The following SHISAL1 variants were observed in gnomAD, a reference collection of about 807,000 sequenced individuals.
SHISAL1 encodes the protein shisa like 1.
Under a neutral mutation model 22.6 loss-of-function variants are expected in SHISAL1, and 9 were observed. That is an observed-to-expected ratio of 0.40 (90% CI 0.24 to 0.70). The LOEUF is 0.70. Among genes scored for constraint, SHISAL1 ranks in the 30% least tolerant of loss-of-function variants. The pLI is 0.39. For missense variants in SHISAL1, 246 were observed against 270.6 expected, an observed-to-expected ratio of 0.91 and a Z score of 0.64; for synonymous variants, 119 against 115.4, an observed-to-expected ratio of 1.03 and a Z score of -0.20.
chr22:44,286,016 C>A (rs946116560), intron 3 of SHISAL1, among the ~76,000 whole-genome samples: 7 of 152,206 alleles, frequency 4.6e-5, no homozygotes, highest in African/African-American at 1.7e-4. Context: ...CTGAGGGTCC[C>A]ACAGAGTCAG....
At chr22:44,270,684 G>A (rs957763268) in intron 4 of SHISAL1, among the ~76,000 whole-genome samples, 10 of 152,084 alleles carry the variant, frequency 6.6e-5, no homozygotes, top group East Asian at 5.8e-4. Context: ...GTGGATGGTC[G>A]GAAAGAAGAG....
chr22:44,289,496 T>TGTGTGTGTGTGTGTG (rs768987294), intron 3 of SHISAL1, among the ~76,000 whole-genome samples: 2,345 of 137,816 alleles, frequency 0.017, 60 homozygotes, highest in East Asian at 0.095. Context: ...GTGTGTGTGT[T>TGTGTGTGTGTGTGTG]TACTGCCGGG....
intron 4 of SHISAL1, among the ~76,000 whole-genome samples, chr22:44,257,291 G>A (rs945356690): frequency 2.0e-5 from 3 of 152,154 alleles, no homozygotes; most frequent in East Asian, 1.9e-4. Flanking sequence ...CAGAAGATTC[G>A]GATCACTGAA....
the SHISAL1 span, among the ~76,000 whole-genome samples, chr22:44,324,843 G>C: frequency 3.3e-5 from 5 of 152,290 alleles, no homozygotes; most frequent in Non-Finnish European, 4.4e-5. Context: ...TTCTCCAAAG[G>C]CCTTTCTGTC....
At chr22:44,266,472 C>CTG (rs10594044) in intron 4 of SHISAL1, among the ~76,000 whole-genome samples, 4 of 98,252 alleles carry the variant, frequency 4.1e-5, no homozygotes, top group Non-Finnish European at 5.5e-5. Context: ...GTGTGTTGGG[C>CTG]TGTGTGTGTG....
intron 4 of SHISAL1, among the ~76,000 whole-genome samples, chr22:44,279,107 A>G (rs899784641): frequency 1.6e-4 from 24 of 152,092 alleles, no homozygotes; most frequent in African/African-American, 5.6e-4. Flanking sequence ...CGCCCATGGT[A>G]CCCACCACCG....
chr22:44,316,614 C>A (rs1315352934), upstream of SHISAL1, among the ~76,000 whole-genome samples: 3 of 152,166 alleles, frequency 2.0e-5, no homozygotes, highest in African/African-American at 7.2e-5. Flanking sequence ...AACAGGCAGC[C>A]CCAGTTTGCA....
rs144416090 is a variant in SHISAL1 at position 44,249,410 on chromosome 22, T to C, written c.*275A>G. 2.0e-3 allele frequency: 805 copies of C among 400,564 alleles called. 6 individuals are homozygous for C. The highest frequency in any genetic ancestry group is 0.016 in the African/African-American group (756 of 48,248). The allele number at this position is 400,564 out of a possible 1,614,324, so 24.8% of individuals were successfully genotyped here. A position where few individuals can be genotyped will look rare whatever the true frequency, so the allele number is the denominator to read the frequency against. ...TTGGTCATCCTGAGTCCACAATGAGTCACCTCTCAGAAGCCACCAGCCCAA... is the reference window on the plus strand; with the variant it reads ...TTGGTCATCCTGAGTCCACAATGAGCCACCTCTCAGAAGCCACCAGCCCAA... On this transcript the variant is annotated 3_prime_UTR_variant, in exon 5 of 5. Coordinates refer to ENST00000381176, the MANE Select transcript of SHISAL1 (RefSeq NM_001099294.2).
chr22:44,277,844 G>A (rs919543827), intron 4 of SHISAL1, among the ~76,000 whole-genome samples: 4 of 152,150 alleles, frequency 2.6e-5, no homozygotes, highest in Admixed American at 6.5e-5. Context: ...GAGGCTCGAC[G>A]GGACATAATG....
intron 3 of SHISAL1, among the ~76,000 whole-genome samples, chr22:44,290,182 T>A (rs1389758000): frequency 6.6e-6 from 1 of 152,198 alleles, no homozygotes; most frequent in Non-Finnish European, 1.5e-5. Flanking sequence ...GAACGAAACA[T>A]CAGCTCAGCT....
rs1342323038 is a variant in SHISAL1, at chr22:44,249,498, C to T, written c.*187G>A. 2.7e-5 allele frequency: 12 copies of T among 446,818 alleles called. No individual in the cohort carries two copies. Among genetic ancestry groups the T allele is most frequent in the East Asian group, 1.6e-4 (4 of 25,010 alleles). 27.7% of individuals were successfully genotyped at this position (446,818 alleles called of 1,614,324 possible). On this transcript the variant is annotated 3_prime_UTR_variant, in exon 5 of 5. Coordinates refer to ENST00000381176, the MANE Select transcript of SHISAL1 (RefSeq NM_001099294.2). ...CCCTCCCCTGCACCCCCAGCCCCTA[C>T]CCCTGAGTTTGCTCCTAATCTTAGA...
In SHISAL1 at chr22:44,247,478, A is replaced by T. The variant is rs2055011431; in HGVS notation, c.*2207T>A. The stretch of plus-strand genomic sequence containing the variant: ...GGCTCACATCAGGGGAGAGGAAGCC[A>T]TTCCTTTCTCCAATCGAGACCCCAA... On this transcript the variant is annotated 3_prime_UTR_variant, in exon 5 of 5. Transcript: ENST00000381176. The T allele has an allele frequency of 6.6e-6, 1 of 152,334 alleles. No individual in the cohort carries two copies. The highest frequency in any genetic ancestry group is 2.4e-5 in the African/African-American group (1 of 41,450). The allele number at this position is 152,334 out of a possible 1,614,324, so 9.4% of individuals were successfully genotyped here. A position where few individuals can be genotyped will look rare whatever the true frequency, so the allele number is the denominator to read the frequency against.
chr22:44,314,332 T>C (rs1306554916), upstream of SHISAL1, among the ~76,000 whole-genome samples: 1 of 152,144 alleles, frequency 6.6e-6, no homozygotes, highest in Non-Finnish European at 1.5e-5. Flanking sequence ...GAACACGGGT[T>C]CAAGTCCCTT....
chr22:44,251,086 C>T (rs2055044292), intron 4 of SHISAL1, among the ~76,000 whole-genome samples: 1 of 152,212 alleles, frequency 6.6e-6, no homozygotes, highest in Non-Finnish European at 1.5e-5. Context: ...CTCCATAGCA[C>T]ACACCTCCAT....
chr22:44,324,845 C>G, the SHISAL1 span, among the ~76,000 whole-genome samples: 1 of 152,226 alleles, frequency 6.6e-6, no homozygotes, highest in African/African-American at 2.4e-5. Context: ...CTCCAAAGGC[C>G]TTTCTGTCCT....
At chr22:44,311,468 C>T (rs2055518035) in intron 1 of SHISAL1, among the ~76,000 whole-genome samples, 1 of 152,240 alleles carries the variant, frequency 6.6e-6, no homozygotes, top group African/African-American at 2.4e-5. Context: ...CATGCCCCAG[C>T]CAGCTGGGCT....
chr22:44,284,403 G>A (rs558742580), intron 4 of SHISAL1, among the ~76,000 whole-genome samples: 4 of 152,160 alleles, frequency 2.6e-5, no homozygotes, highest in South Asian at 4.1e-4. Flanking sequence ...TGGCAGAGCC[G>A]GGACTCAGAC....
intron 3 of SHISAL1, among the ~76,000 whole-genome samples, chr22:44,289,496 T>TGTGTGTGTGTGTGTGTGTGTGTG (rs768987294): frequency 5.4e-4 from 74 of 137,870 alleles, no homozygotes; most frequent in African/African-American, 1.7e-3. Context: ...GTGTGTGTGT[T>TGTGTGTGTGTGTGTGTGTGTGTG]TACTGCCGGG....
intron 4 of SHISAL1, among the ~76,000 whole-genome samples, chr22:44,254,496 G>T (rs1385283884): frequency 6.6e-6 from 1 of 152,110 alleles, no homozygotes; most frequent in Non-Finnish European, 1.5e-5. Flanking sequence ...GTGTAGCTAA[G>T]ACTACAGGTG....
Sources: allele counts gnomAD v4.1 joint callset (sites outside exome capture counted in the v4.1 genomes callset), GRCh38; gene constraint gnomAD v4.1.1; transcripts MANE v1.5; gene names NCBI Gene and HGNC (gene_info 2026-07-23, HGNC 2026-07-21).